Variants in RIMS1 observed in about 807,000 individuals in gnomAD.
RIMS1 encodes the protein regulating synaptic membrane exocytosis 1.
RIMS1 carries 83 observed loss-of-function variants against 214.1 expected under a neutral mutation model. That is an observed-to-expected ratio of 0.39 (90% CI 0.32 to 0.47). The LOEUF is 0.47. Among genes scored for constraint, RIMS1 ranks in the 20% least tolerant of loss-of-function variants. The pLI is 0.99. For synonymous variants in RIMS1, 793 were observed against 786.8 expected (o/e 1.01, Z -0.13); for missense variants, 2,050 against 2,161.8 (o/e 0.95, Z 1.03).
At position 72,183,019 on chromosome 6, in the gene RIMS1, G is replaced by A. The variant is rs760326366; in HGVS notation, c.1548G>A (p.Pro516=). The A allele has an allele frequency of 3.1e-6, 5 of 1,600,608 alleles. No individual in the cohort carries two copies. The Admixed American group carries it at 6.9e-5, about 22-fold the overall frequency. Residue 516 remains proline (P), a synonymous_variant, in exon 6 of 34, where the codon CCG becomes CCA. Coordinates refer to ENST00000521978, the MANE Select transcript of RIMS1 (RefSeq NM_014989.7). ...SESVRPSPPK[P]HRSKRGGKKR... is the part of the protein sequence containing the mutation. Reference sequence around the variant, plus strand: ...CGGTGCGGCCGTCCCCGCCCAAGCCGCACCGGTCCAAGAGAGGCGGCAAGA... The same window carrying A: ...CGGTGCGGCCGTCCCCGCCCAAGCCACACCGGTCCAAGAGAGGCGGCAAGA...
chr6:72,038,695 C>CA (rs1820601752), intron 2 of RIMS1, among the ~76,000 whole-genome samples: 1 of 152,110 alleles, frequency 6.6e-6, no homozygotes, highest in Non-Finnish European at 1.5e-5. Flanking sequence ...CAGATAGCCC[C>CA]AACTGCATAT....
intron 3 of RIMS1, among the ~76,000 whole-genome samples, chr6:72,097,364 C>T (rs1030885359): frequency 1.3e-5 from 2 of 152,168 alleles, no homozygotes; most frequent in Non-Finnish European, 2.9e-5. Flanking sequence ...CTTACTTTAT[C>T]TTTGTTTCTT....
chr6:72,266,220 G>A, intron 22 of RIMS1, 171 bp downstream of exon 22: 1 of 658,038 alleles, frequency 1.5e-6, no homozygotes, highest in African/African-American at 1.8e-5. Flanking sequence ...ATATGCGTAT[G>A]TGGATAAACC....
rs552561591 is a variant in RIMS1, at chr6:72,182,917, C to T, written c.1446C>T (p.Val482=). 3.8e-6 allele frequency: 6 copies of T among 1,581,184 alleles called. No individual in the cohort carries two copies. In the African/African-American group the frequency reaches 5.4e-5, roughly 14 times the overall value. The part of the protein sequence containing the change: ...KQSRLDPSSA[V]LMRKAKREKV... ...GCCGCCTGGACCCCAGCTCGGCGGT[C>T]CTCATGCGGAAGGCCAAGCGCGAGA... Residue 482 remains valine (V), a synonymous_variant, in exon 6 of 34, where the codon GTC becomes GTT. Transcript: ENST00000521978.
At chr6:71,987,858 C>A (rs1344695375) in intron 2 of RIMS1, among the ~76,000 whole-genome samples, 1 of 152,064 alleles carries the variant, frequency 6.6e-6, no homozygotes, top group Non-Finnish European at 1.5e-5. Context: ...TGATTGTGTC[C>A]TTAGAGGGCT....
At chr6:71,896,786 A>G (rs568738415) in intron 1 of RIMS1, among the ~76,000 whole-genome samples, 1 of 152,114 alleles carries the variant, frequency 6.6e-6, no homozygotes, top group East Asian at 1.9e-4. Flanking sequence ...AATGTTTCTA[A>G]ATGCTTCTAT....
intron 2 of RIMS1, among the ~76,000 whole-genome samples, chr6:72,023,530 C>G (rs1815375389): frequency 6.6e-6 from 1 of 151,600 alleles, no homozygotes; most frequent in Non-Finnish European, 1.5e-5. Context: ...AACTTTTTTT[C>G]TAGTCAATGT....
chr6:72,248,960 A>G (rs2071654379), intron 12 of RIMS1, among the ~76,000 whole-genome samples: 1 of 152,028 alleles, frequency 6.6e-6, no homozygotes, highest in Admixed American at 6.6e-5. Flanking sequence ...GTATGTGTAA[A>G]TCTCTCATAT....
rs1374348436 is a variant in RIMS1 at position 72,250,347 on chromosome 6, T to C, written c.2259T>C (p.Asp753=). 1.9e-6 allele frequency: 3 copies of C among 1,608,886 alleles called. No homozygotes were observed. The South Asian group carries it at 3.3e-5, about 18-fold the overall frequency. ...PGQLSVKLWY[D]KVGHQLIVNV... ...GCTCCTAGGTGAAGTTGTGGTATGA[T>C]AAAGTGGGACACCAGCTGATTGTAA... The change falls in exon 13 of 34, where the codon GAT becomes GAC. Residue 753 remains aspartate (D), a synonymous_variant. Transcript: ENST00000521978.
intron 10 of RIMS1, among the ~76,000 whole-genome samples, chr6:72,243,709 C>T (rs1001750341): frequency 6.6e-6 from 1 of 151,410 alleles, no homozygotes; most frequent in Non-Finnish European, 1.5e-5. Flanking sequence ...AAGTAACAGA[C>T]AATTAAAGTA....
intron 2 of RIMS1, among the ~76,000 whole-genome samples, chr6:72,075,727 C>T (rs1040286722): frequency 1.3e-5 from 2 of 152,028 alleles, no homozygotes; most frequent in Non-Finnish European, 2.9e-5. Flanking sequence ...CTAAATAACA[C>T]AAAAGTTCAA....
At chr6:72,344,290 C>G (rs919078345) in intron 29 of RIMS1, among the ~76,000 whole-genome samples, 1 of 151,744 alleles carries the variant, frequency 6.6e-6, no homozygotes, top group Non-Finnish European at 1.5e-5. Context: ...AATTTTAAGT[C>G]TGGTATGGCT....
intron 23 of RIMS1, among the ~76,000 whole-genome samples, chr6:72,277,707 A>T (rs1464673686): frequency 6.6e-6 from 1 of 152,156 alleles, no homozygotes; most frequent in Non-Finnish European, 1.5e-5. Flanking sequence ...ATTTCCTTGT[A>T]GTTTTATTTC....
intron 2 of RIMS1, among the ~76,000 whole-genome samples, chr6:72,035,542 A>G (rs1819391286): frequency 6.6e-6 from 1 of 152,158 alleles, no homozygotes; most frequent in African/African-American, 2.4e-5. Context: ...TCTGAGATTC[A>G]GCCCCCATTT....
intron 1 of RIMS1, among the ~76,000 whole-genome samples, chr6:71,902,254 T>A (rs912689006): frequency 6.6e-6 from 1 of 151,930 alleles, no homozygotes; most frequent in Non-Finnish European, 1.5e-5. Flanking sequence ...GAGGGGAGTT[T>A]GAGATTTGAG....
intron 4 of RIMS1, among the ~76,000 whole-genome samples, chr6:72,121,650 C>G (rs1422277986): frequency 6.6e-6 from 1 of 151,868 alleles, no homozygotes; most frequent in Admixed American, 6.6e-5. Context: ...TTATTTCTTT[C>G]TGTTGTCTGA....
At chr6:72,261,637 A>G in intron 19 of RIMS1, 1 of 985,328 alleles carries the variant, frequency 1.0e-6, no homozygotes, top group Non-Finnish European at 1.2e-6. Context: ...GCCAATAAAA[A>G]GCAAGAGGAA....
intron 30 of RIMS1, 26 bp downstream of exon 30, chr6:72,390,762 G>A: frequency 6.2e-7 from 1 of 1,611,070 alleles, no homozygotes; most frequent in Non-Finnish European, 8.5e-7. Context: ...ACGTCTGCAT[G>A]GCTGTGGAAC....
intron 1 of RIMS1, among the ~76,000 whole-genome samples, chr6:71,952,435 GA>G (rs1312071086): frequency 3.9e-5 from 6 of 152,192 alleles, no homozygotes; most frequent in Admixed American, 1.3e-4. Flanking sequence ...GTCTATCACA[GA>G]GACTCTAATC....
Sources: gnomAD v4.1 joint callset for allele counts (sites outside exome capture counted in the v4.1 genomes callset) on GRCh38, gnomAD v4.1.1 for gene constraint, MANE v1.5 for transcripts, NCBI Gene and HGNC (gene_info 2026-07-23, HGNC 2026-07-21) for gene names.